The following AADACL4 variants were observed in gnomAD, a reference collection of about 807,000 sequenced individuals.
The protein encoded by AADACL4 is arylacetamide deacetylase-like 4.
Under a neutral mutation model 14.1 loss-of-function variants are expected in AADACL4, and 9 were observed. That is an observed-to-expected ratio of 0.64 (90% CI 0.39 to 1.12). The LOEUF (loss-of-function observed/expected upper bound fraction) is 1.12. Among genes scored for constraint, AADACL4 ranks in the 50% most tolerant of loss-of-function variants. The probability of loss-of-function intolerance (pLI) is 0.01; values close to 1 mark genes in which losing one functional copy is unlikely to be tolerated. For synonymous variants in AADACL4, 188 were observed against 201.6 expected (o/e 0.93, Z 0.57); for missense variants, 531 against 516.1 (o/e 1.03, Z -0.28).
chr1:12,654,355 G>C (rs1236527281), intron 2 of AADACL4, among the ~76,000 whole-genome samples: 2 of 152,244 alleles, frequency 1.3e-5, no homozygotes, highest in Non-Finnish European at 2.9e-5. Context: ...TCTGATTTGA[G>C]AGGATATTGA....
In AADACL4 at chr1:12,651,172, G is replaced by A. The variant is rs541552858; in HGVS notation, c.218G>A (p.Arg73His). The A allele has an allele frequency of 9.2e-5, 149 of 1,614,200 alleles. No homozygotes were observed. Among genetic ancestry groups the A allele is most frequent in the Non-Finnish European group, 1.2e-4 (141 of 1,180,034 alleles). The change falls in exon 2 of 4, where the codon CGT becomes CAT. Residue 73 changes from arginine (R) to histidine (H), a missense_variant. By Grantham distance (29) the Arg-to-His change is conservative. Transcript: ENST00000376221. ...LGICSMPKFI[R>H]FLHDSVRIKK... ...ATTTGCTCCATGCCCAAATTTATTCGTTTTTTACATGATAGCGTGAGAATT... is the reference window on the plus strand; with the variant it reads ...ATTTGCTCCATGCCCAAATTTATTCATTTTTTACATGATAGCGTGAGAATT...
intron 3 of AADACL4, among the ~76,000 whole-genome samples, chr1:12,662,635 A>G (rs968610274): frequency 6.6e-6 from 1 of 152,208 alleles, no homozygotes; most frequent in Non-Finnish European, 1.5e-5. Context: ...ATCACTGGGA[A>G]AGAGTTTAGA....
intron 1 of AADACL4, among the ~76,000 whole-genome samples, chr1:12,648,346 A>ATCCATCCTTCCTTCCT (rs1553146865): frequency 0.01 from 1,456 of 140,556 alleles, 37 homozygotes; most frequent in African/African-American, 0.039. Flanking sequence ...TGGACCTCAG[A>ATCCATCCTTCCTTCCT]TCCTTCCTTC....
At chr1:12,644,897 C>T (rs1267868683) in intron 1 of AADACL4, among the ~76,000 whole-genome samples, 183 bp downstream of exon 1, 2 of 149,766 alleles carry the variant, frequency 1.3e-5, no homozygotes, top group African/African-American at 2.5e-5. Context: ...CCGTTCCTTC[C>T]CCCTTCCCAT....
chr1:12,647,708 T>G (rs564890757), intron 1 of AADACL4, among the ~76,000 whole-genome samples: 1 of 151,840 alleles, frequency 6.6e-6, no homozygotes. Context: ...TAGGCTGAAG[T>G]GCAGTGGCAC....
chr1:12,665,805 C>T (rs1041857049), intron 3 of AADACL4, among the ~76,000 whole-genome samples, 156 bp from the exon 4 acceptor site: 1 of 152,210 alleles, frequency 6.6e-6, no homozygotes, highest in Admixed American at 6.5e-5. Context: ...TTCACATGCT[C>T]ATAGGAAGAC....
At chr1:12,665,419 G>C (rs1461644564) in intron 3 of AADACL4, among the ~76,000 whole-genome samples, 1 of 152,126 alleles carries the variant, frequency 6.6e-6, no homozygotes, top group Non-Finnish European at 1.5e-5. Context: ...TAGAGACGGG[G>C]TTTCACCGTG....
chr1:12,644,706 G>A lies in AADACL4; in HGVS notation c.160G>A (p.Val54Ile). ...RFLHCIFLYLVTLGNIFEKLG... is the reference protein window; with the variant it reads ...RFLHCIFLYLITLGNIFEKLG... ...CCTGCATTGCATATTCCTCTACCTG[G>A]TCACTTTGGTGAGTTTACTCTCAGG... Residue 54 changes from valine to isoleucine, a missense_variant, in exon 1 of 4, where the codon GTC becomes ATC. Physicochemically the swap from Val to Ile is conservative, Grantham distance 29. Transcript: ENST00000376221. 1 of 1,613,834 alleles carries A rather than the reference G, an allele frequency of 6.2e-7. No homozygotes were observed.
chr1:12,665,850 C>T, intron 3 of AADACL4, 111 bp from the exon 4 acceptor site: 1 of 1,194,114 alleles, frequency 8.4e-7, no homozygotes. Flanking sequence ...TAGGGTTATT[C>T]TGAGGATTTA....
At chr1:12,645,085 GCTCC>G (rs1647102739) in intron 1 of AADACL4, among the ~76,000 whole-genome samples, 1 of 82,832 alleles carries the variant, frequency 1.2e-5, no homozygotes, top group African/African-American at 4.8e-5. Flanking sequence ...CTCCTTCTCC[GCTCC>G]TTTCCTTCCT....
chr1:12,657,928 C>T (rs1647191559), intron 2 of AADACL4, among the ~76,000 whole-genome samples: 1 of 152,132 alleles, frequency 6.6e-6, no homozygotes, highest in Non-Finnish European at 1.5e-5. Flanking sequence ...CTTCTGCAGC[C>T]ATTTCAAGTT....
intron 2 of AADACL4, among the ~76,000 whole-genome samples, chr1:12,658,491 T>G (rs185517863): frequency 6.6e-6 from 1 of 152,266 alleles, no homozygotes; most frequent in Non-Finnish European, 1.5e-5. Context: ...ACTCCTGACC[T>G]CAGGTGATCC....
intron 2 of AADACL4, among the ~76,000 whole-genome samples, chr1:12,658,347 C>T (rs1647200041): frequency 1.3e-5 from 2 of 151,860 alleles, no homozygotes; most frequent in African/African-American, 4.8e-5. Flanking sequence ...CAACCTCCAC[C>T]TCCCGGATTC....
At chr1:12,651,498 G>A (rs577920733) in intron 2 of AADACL4, among the ~76,000 whole-genome samples, 159 bp downstream of exon 2, 2 of 152,302 alleles carry the variant, frequency 1.3e-5, no homozygotes, top group East Asian at 1.9e-4. Context: ...TTGGGCTCAG[G>A]TCAGTAGATA....
chr1:12,661,601 C>T (rs776776235), intron 2 of AADACL4, among the ~76,000 whole-genome samples, 190 bp from the exon 3 acceptor site: 24 of 152,012 alleles, frequency 1.6e-4, no homozygotes, highest in Non-Finnish European at 3.2e-4. Flanking sequence ...TCCCAAAATT[C>T]AGGAGGCTGG....
intron 2 of AADACL4, among the ~76,000 whole-genome samples, chr1:12,653,100 T>G (rs773289706): frequency 1.2e-4 from 18 of 152,198 alleles, no homozygotes; most frequent in Non-Finnish European, 2.1e-4. Flanking sequence ...ATTAGGGGTC[T>G]TGGCCCCGCC....
At chr1:12,660,591 A>C (rs182487613) in intron 2 of AADACL4, among the ~76,000 whole-genome samples, 3 of 152,254 alleles carry the variant, frequency 2.0e-5, no homozygotes, top group Admixed American at 1.3e-4. Flanking sequence ...TGCGAATTTT[A>C]AAGTCATATT....
chr1:12,653,940 C>G (rs904965295), intron 2 of AADACL4, among the ~76,000 whole-genome samples: 7 of 152,164 alleles, frequency 4.6e-5, no homozygotes, highest in African/African-American at 7.2e-5. Context: ...AGTATCCCCC[C>G]CTTTCTAGCT....
intron 1 of AADACL4, among the ~76,000 whole-genome samples, chr1:12,646,091 C>A (rs956490788): frequency 1.3e-5 from 2 of 152,160 alleles, no homozygotes; most frequent in Non-Finnish European, 2.9e-5. Context: ...CCTGAGTTAA[C>A]CCCAATGTCC....
Sources: gnomAD v4.1 joint callset for allele counts (sites outside exome capture counted in the v4.1 genomes callset) on GRCh38, gnomAD v4.1.1 for gene constraint, MANE v1.5 for transcripts, NCBI Gene and HGNC (gene_info 2026-07-23, HGNC 2026-07-21) for gene names.